HECW2: variants seen among roughly 807,000 people sequenced by gnomAD.
The protein encoded by HECW2 is HECT, C2 and WW domain containing E3 ubiquitin protein ligase 2.
A neutral mutation model predicts 175.2 loss-of-function variants in HECW2; 61 were observed. That is an observed-to-expected ratio of 0.35 (90% CI 0.28 to 0.43). The LOEUF (loss-of-function observed/expected upper bound fraction) is 0.43. Among genes scored for constraint, HECW2 ranks in the 20% least tolerant of loss-of-function variants. The pLI is 1.00. For synonymous variants in HECW2, 671 were observed against 731.0 expected (o/e 0.92, Z 1.32); for missense variants, 1,524 against 2,000.5 (o/e 0.76, Z 4.54).
chr2:196,370,433 C>T (rs1038155945), intron 2 of HECW2, among the ~76,000 whole-genome samples: 3 of 152,144 alleles, frequency 2.0e-5, no homozygotes, highest in African/African-American at 7.2e-5. Flanking sequence ...CCTCTCTTCT[C>T]CTCAAGTGGA....
chr2:196,527,501 G>A (rs924582429), intron 1 of HECW2, among the ~76,000 whole-genome samples: 4 of 152,078 alleles, frequency 2.6e-5, no homozygotes, highest in South Asian at 2.1e-4. Flanking sequence ...TTGGCTCCTC[G>A]AATCCCTTCA....
intron 1 of HECW2, among the ~76,000 whole-genome samples, chr2:196,546,342 G>A (rs150791652): frequency 6.6e-6 from 1 of 152,336 alleles, no homozygotes; most frequent in East Asian, 1.9e-4. Flanking sequence ...CTAGACTTCA[G>A]ATGATTTCAT....
intron 24 of HECW2, among the ~76,000 whole-genome samples, chr2:196,221,663 G>A (rs1307582751): frequency 6.6e-6 from 1 of 152,104 alleles, no homozygotes; most frequent in Non-Finnish European, 1.5e-5. Flanking sequence ...CAGCTCAGGT[G>A]ACCCTCCCAC....
intron 2 of HECW2, among the ~76,000 whole-genome samples, chr2:196,396,005 G>T (rs1022798573): frequency 7.9e-5 from 12 of 152,118 alleles, no homozygotes; most frequent in Non-Finnish European, 1.5e-4. Context: ...ACAACATGTA[G>T]TATATACACA....
intron 2 of HECW2, among the ~76,000 whole-genome samples, chr2:196,348,462 A>G (rs1376313308): frequency 6.6e-6 from 1 of 152,048 alleles, no homozygotes; most frequent in Non-Finnish European, 1.5e-5. Flanking sequence ...GGGCAACACA[A>G]CAAGACCCTG....
intron 2 of HECW2, among the ~76,000 whole-genome samples, chr2:196,383,686 G>C (rs1034365576): frequency 6.6e-6 from 1 of 152,172 alleles, no homozygotes; most frequent in Non-Finnish European, 1.5e-5. Flanking sequence ...GTCCTCAGTG[G>C]GGCAGTGACA....
At chr2:196,539,237 T>C (rs1041166979) in intron 1 of HECW2, among the ~76,000 whole-genome samples, 7 of 152,272 alleles carry the variant, frequency 4.6e-5, no homozygotes, top group Middle Eastern at 3.4e-3. Context: ...ACCTGTGAAA[T>C]GAGGGAACTC....
intron 22 of HECW2, among the ~76,000 whole-genome samples, chr2:196,227,600 T>C (rs1687901416): frequency 6.6e-6 from 1 of 152,086 alleles, no homozygotes. Flanking sequence ...CACTGCCCAC[T>C]AGAGCACCAT....
chr2:196,240,421 C>T (rs1357970444), intron 21 of HECW2, 28 bp downstream of exon 21: 1 of 1,498,242 alleles, frequency 6.7e-7, no homozygotes, highest in South Asian at 1.2e-5. Flanking sequence ...AGCCTATGTT[C>T]CACAGGCCAC....
At chr2:196,225,570 C>G (rs1687821457) in intron 23 of HECW2, among the ~76,000 whole-genome samples, 1 of 151,844 alleles carries the variant, frequency 6.6e-6, no homozygotes, top group Non-Finnish European at 1.5e-5. Context: ...AATCTGGGGG[C>G]TAAATAGGTC....
chr2:196,584,567 T>G (rs879471482), intron 1 of HECW2, among the ~76,000 whole-genome samples: 2 of 138,728 alleles, frequency 1.4e-5, no homozygotes, highest in African/African-American at 2.8e-5. Context: ...AGAATGTGGA[T>G]GTGTAAAACT....
chr2:196,540,731 C>T (rs1689181484), intron 1 of HECW2, among the ~76,000 whole-genome samples: 1 of 152,174 alleles, frequency 6.6e-6, no homozygotes, highest in Non-Finnish European at 1.5e-5. Context: ...GCCACTGCAC[C>T]TGGTCAGGAA....
intron 2 of HECW2, among the ~76,000 whole-genome samples, chr2:196,415,963 T>C (rs6434850): frequency 0.95 from 144,291 of 152,312 alleles, 68,458 homozygotes; most frequent in East Asian, 1. Context: ...TTTTACTACA[T>C]AGTAGGGATA....
At chr2:196,350,180 AT>A (rs1436628400) in intron 2 of HECW2, among the ~76,000 whole-genome samples, 1 of 152,156 alleles carries the variant, frequency 6.6e-6, no homozygotes, top group Non-Finnish European at 1.5e-5. Context: ...CCTGGCTAAC[AT>A]GGTGAAACCT....
At chr2:196,348,466 G>A (rs1055954544) in intron 2 of HECW2, among the ~76,000 whole-genome samples, 1 of 151,992 alleles carries the variant, frequency 6.6e-6, no homozygotes, top group East Asian at 1.9e-4. Flanking sequence ...AACACAACAA[G>A]ACCCTGTCTC....
intron 18 of HECW2, among the ~76,000 whole-genome samples, chr2:196,255,726 G>T (rs1182448768): frequency 6.6e-6 from 1 of 152,168 alleles, no homozygotes; most frequent in East Asian, 1.9e-4. Flanking sequence ...TGACAAGTAT[G>T]CTGACTGAAG....
chr2:196,322,638 T>A lies in HECW2; in HGVS notation c.742-18A>T. On this transcript the variant is annotated intron_variant, in intron 6 of 28. Coordinates refer to ENST00000644978, the MANE Select transcript of HECW2 (RefSeq NM_001348768.2). Reference sequence around the variant, plus strand: ...GAATATTTCTGAAAACACAAACAGATAACATGCTGGTTTAAAAGAAAGACA... The same window carrying A: ...GAATATTTCTGAAAACACAAACAGAAAACATGCTGGTTTAAAAGAAAGACA... 6.2e-7 allele frequency: 1 copy of A among 1,601,940 alleles called. No individual in the cohort carries two copies. The highest frequency in any genetic ancestry group is 1.1e-5 in the South Asian group (1 of 90,264).
chr2:196,301,223 C>T (rs564085386), intron 13 of HECW2, among the ~76,000 whole-genome samples: 38 of 152,152 alleles, frequency 2.5e-4, no homozygotes, highest in Non-Finnish European at 4.9e-4. Flanking sequence ...CTTTTTATGA[C>T]TGCACAGTAT....
At chr2:196,356,099 G>C (rs1559063546) in intron 2 of HECW2, among the ~76,000 whole-genome samples, 1 of 152,228 alleles carries the variant, frequency 6.6e-6, no homozygotes, top group Non-Finnish European at 1.5e-5. Flanking sequence ...AGACATGAGA[G>C]AAACAGACAG....
Sources: gnomAD v4.1 joint callset for allele counts (sites outside exome capture counted in the v4.1 genomes callset) on GRCh38, gnomAD v4.1.1 for gene constraint, MANE v1.5 for transcripts, NCBI Gene and HGNC (gene_info 2026-07-23, HGNC 2026-07-21) for gene names.